The following RMDN2 variants were observed in gnomAD, a reference collection of about 807,000 sequenced individuals.
The protein encoded by RMDN2 is regulator of microtubule dynamics protein 2.
In RMDN2, 61 loss-of-function variants were observed where a neutral mutation model predicts 52.8. The observed-to-expected ratio is 1.16, with a 90% CI of 0.94 to 1.43. The LOEUF (loss-of-function observed/expected upper bound fraction) is 1.43. RMDN2 is among the 40% of genes most tolerant of loss of function. RMDN2 has a pLI of 0.00. For synonymous variants in RMDN2, 180 were observed against 153.1 expected (o/e 1.18, Z -1.30); for missense variants, 592 against 475.3 (o/e 1.25, Z -2.28).
chr2:37,948,759 C>T (rs1011729541), intron 2 of RMDN2, among the ~76,000 whole-genome samples: 1 of 152,092 alleles, frequency 6.6e-6, no homozygotes, highest in African/African-American at 2.4e-5. Flanking sequence ...TCCTCATCCC[C>T]CAAATGCGCA....
chr2:38,013,463 G>A (rs1408992479), intron 10 of RMDN2, among the ~76,000 whole-genome samples: 2 of 152,168 alleles, frequency 1.3e-5, no homozygotes, highest in East Asian at 3.9e-4. Flanking sequence ...TACTCTGGGA[G>A]TGCTAAAAGT....
chr2:37,978,776 T>TTAGATAGA (rs751616313), intron 4 of RMDN2, among the ~76,000 whole-genome samples: 40 of 63,858 alleles, frequency 6.3e-4, no homozygotes, highest in Middle Eastern at 7.1e-3. Flanking sequence ...AGACCCTTTC[T>TTAGATAGA]CAGATAGATA....
intron 2 of RMDN2, among the ~76,000 whole-genome samples, chr2:37,964,438 C>A (rs1188442958): frequency 5.9e-5 from 9 of 152,116 alleles, no homozygotes; most frequent in South Asian, 2.1e-4. Flanking sequence ...CATCTTTGGC[C>A]CATTGGTTGT....
downstream of RMDN2, among the ~76,000 whole-genome samples, chr2:38,018,429 G>T (rs1032087685): frequency 6.6e-6 from 1 of 152,212 alleles, no homozygotes; most frequent in African/African-American, 2.4e-5. Context: ...ATCATAAAGA[G>T]TAAAGTGCAG....
In RMDN2 at chr2:37,971,462, A is replaced by G. The variant is rs770476221; in HGVS notation, c.453-2578A>G. 1.0e-3 allele frequency among the ~76,000 whole-genome samples: 158 copies of G among 152,220 alleles called. 5 individuals carry two copies. The highest frequency in any genetic ancestry group is 2.4e-4 in the Non-Finnish European group (16 of 68,028). ...TGTCTATTTCATATGTCTTACCCCA[A>G]GGACTAAAATATATTCGTCTGTATT... On this transcript the variant is annotated intron_variant, in intron 2 of 10. Transcript: ENST00000354545.
intron 10 of RMDN2, among the ~76,000 whole-genome samples, chr2:38,013,017 C>T (rs1426040698): frequency 6.6e-6 from 1 of 152,144 alleles, no homozygotes; most frequent in Non-Finnish European, 1.5e-5. Context: ...TCTCTAGAGC[C>T]CAGATTCAAA....
chr2:37,929,214 G>A (rs774399095), intron 1 of RMDN2, 48 bp from the exon 2 acceptor site: 1 of 1,152,322 alleles, frequency 8.7e-7, no homozygotes. Flanking sequence ...TTTTGTCTTG[G>A]ACAAAGACAT....
At chr2:37,951,251 G>A in intron 2 of RMDN2, 1 of 1,594,724 alleles carries the variant, frequency 6.3e-7, no homozygotes, top group Non-Finnish European at 8.5e-7. Context: ...AAGAGGACCA[G>A]AGCTTCCAAC....
chr2:37,939,219 T>G lies in RMDN2; in HGVS notation c.452+9490T>G, dbSNP rs139023739. On this transcript the variant is annotated intron_variant, in intron 2 of 10. Transcript: ENST00000354545. ...ATTGTGCAGTTTTGAGTGAGTTTCT[T>G]AATCCTGAGTTCTAGTTTGATTCCA... 5.2e-3 allele frequency among the ~76,000 whole-genome samples: 790 copies of G among 152,364 alleles called. 1 individual carries two copies. The highest frequency in any genetic ancestry group is 8.1e-3 in the Non-Finnish European group (550 of 68,034).
intron 10 of RMDN2, among the ~76,000 whole-genome samples, chr2:38,044,746 T>C (rs1279681865): frequency 3.3e-5 from 5 of 152,114 alleles, no homozygotes; most frequent in Non-Finnish European, 7.4e-5. Context: ...CTTTTGATTC[T>C]TTTTAGGGTT....
At chr2:38,054,086 C>T (rs995061838) in intron 10 of RMDN2, among the ~76,000 whole-genome samples, 42 of 152,208 alleles carry the variant, frequency 2.8e-4, no homozygotes, top group Admixed American at 8.5e-4. Flanking sequence ...AGATGCCCCA[C>T]ACTCTGAACA....
At chr2:37,981,920 A>C (rs1432473853) in intron 5 of RMDN2, among the ~76,000 whole-genome samples, 1 of 152,044 alleles carries the variant, frequency 6.6e-6, no homozygotes, top group Non-Finnish European at 1.5e-5. Context: ...TAAAACAATA[A>C]GGAATATATT....
At chr2:38,020,053 A>G (rs1191070247), downstream of RMDN2, among the ~76,000 whole-genome samples, 1 of 152,202 alleles carries the variant, frequency 6.6e-6, no homozygotes, top group Non-Finnish European at 1.5e-5. Context: ...AGGGTGTGCT[A>G]TACAGCAGTG....
At chr2:37,952,580 TA>T (rs1668974131) in intron 2 of RMDN2, 1 of 308,794 alleles carries the variant, frequency 3.2e-6, no homozygotes, top group Non-Finnish European at 5.9e-6. Context: ...TATCCCCTTT[TA>T]TCATACTCTA....
chr2:37,929,689 G>A lies in RMDN2; in HGVS notation c.412G>A (p.Ala138Thr). ...KRRLPTIQSS[A>T]TSNSSEEAES... is the part of the protein sequence containing the mutation. ...AAGACTCCCCACAATTCAAAGTTCA[G>A]CAACAAGTAATAGTTCAGAGGAAGC... Residue 138 changes from alanine to threonine, a missense_variant, in exon 2 of 11, where the codon GCA becomes ACA. Transcript: ENST00000354545. The A allele has an allele frequency of 6.5e-7, 1 of 1,529,130 alleles. No homozygotes were observed. The highest frequency in any genetic ancestry group is 1.3e-5 in the South Asian group (1 of 78,370). The allele number at this position is 1,529,130 out of a possible 1,614,324, so 94.7% of individuals were successfully genotyped here. A position where few individuals can be genotyped will look rare whatever the true frequency, so the allele number is the denominator to read the frequency against.
intron 8 of RMDN2, among the ~76,000 whole-genome samples, chr2:38,001,252 G>T (rs1354629061): frequency 1.3e-5 from 2 of 152,218 alleles, no homozygotes; most frequent in Admixed American, 1.3e-4. Flanking sequence ...GACCAACAAA[G>T]TTCCTACCTT....
chr2:38,013,249 A>G (rs1008510303), intron 10 of RMDN2, among the ~76,000 whole-genome samples: 1 of 152,264 alleles, frequency 6.6e-6, no homozygotes, highest in Non-Finnish European at 1.5e-5. Context: ...ATTAAAGTTC[A>G]TCAACGTGGA....
At chr2:37,984,714 T>G (rs951334879) in intron 5 of RMDN2, among the ~76,000 whole-genome samples, 1 of 152,184 alleles carries the variant, frequency 6.6e-6, no homozygotes, top group African/African-American at 2.4e-5. Context: ...TAAGGATATA[T>G]TCACTATCAA....
downstream of RMDN2, among the ~76,000 whole-genome samples, chr2:38,021,529 C>T (rs1679379248): frequency 6.6e-6 from 1 of 152,284 alleles, no homozygotes. Context: ...ACCACAAACC[C>T]ACCAGAAGGA....
Sources: allele counts gnomAD v4.1 joint callset (sites outside exome capture counted in the v4.1 genomes callset), GRCh38; gene constraint gnomAD v4.1.1; transcripts MANE v1.5; gene names NCBI Gene and HGNC (gene_info 2026-07-23, HGNC 2026-07-21).